Variants in DNAH3 observed in about 807,000 individuals in gnomAD.
DNAH3 encodes dynein axonemal heavy chain 3.
In DNAH3, 332 loss-of-function variants were observed where a neutral mutation model predicts 432.5. The observed-to-expected ratio is 0.77, with a 90% CI of 0.70 to 0.84. The LOEUF is 0.84. Among genes scored for constraint, DNAH3 ranks in the 40% least tolerant of loss-of-function variants. The pLI, the probability that DNAH3 is intolerant of heterozygous loss-of-function variation, is 0.00. For missense variants in DNAH3, 4,861 were observed against 5,114.0 expected, an observed-to-expected ratio of 0.95 and a Z score of 1.51; for synonymous variants, 1,956 against 1,900.2, an observed-to-expected ratio of 1.03 and a Z score of -0.76.
chr16:20,987,577 A>C, intron 46 of DNAH3, 116 bp downstream of exon 46: 1 of 1,527,474 alleles, frequency 6.5e-7, no homozygotes, highest in Non-Finnish European at 8.9e-7. Flanking sequence ...TGCTTAGCAC[A>C]ATGCCTAGCA....
chr16:21,019,678 G>A, exon 41 of DNAH3: 1 of 1,614,058 alleles, frequency 6.2e-7, no homozygotes, highest in South Asian at 1.1e-5. Context: ...GGCCTTGGGT[G>A]GTTATCATCC....
At chr16:21,017,402 G>A (rs2087914295) in intron 41 of DNAH3, among the ~76,000 whole-genome samples, 1 of 152,108 alleles carries the variant, frequency 6.6e-6, no homozygotes, top group Admixed American at 6.5e-5. Context: ...TCTGCTCACT[G>A]AGATGAATTC....
chr16:20,933,531 C>T (rs764140822), intron 61 of DNAH3, 24 bp from the exon 62 acceptor site: 2 of 1,528,806 alleles, frequency 1.3e-6, no homozygotes, highest in Admixed American at 2.1e-5. Context: ...AAGCTATGAG[C>T]TCCATTGCCT....
At position 21,073,460 on chromosome 16, in the gene DNAH3, G is replaced by A. The variant is rs1567743247; in HGVS notation, c.3084+1987C>T. Among the ~76,000 whole-genome samples the A allele has an allele frequency of 2.6e-5, 4 of 152,154 alleles. No homozygotes were observed. The South Asian group carries it at 8.3e-4, about 32-fold the overall frequency. On this transcript the variant is annotated intron_variant, in intron 21 of 61. Transcript: ENST00000261383. ...TGGCTGGGTCACCCTTGCTGGGAGA[G>A]GCTCAGTAATGAGGCCCTGTGCCCT...
chr16:21,055,670 C>T (rs1286946419), intron 27 of DNAH3, among the ~76,000 whole-genome samples: 1 of 151,724 alleles, frequency 6.6e-6, no homozygotes, highest in African/African-American at 2.4e-5. Context: ...ACCTTCCCTA[C>T]TTTCTAGCTA....
intron 1 of DNAH3, among the ~76,000 whole-genome samples, chr16:21,154,741 T>C (rs1172210558): frequency 6.6e-6 from 1 of 152,202 alleles, no homozygotes; most frequent in Non-Finnish European, 1.5e-5. Flanking sequence ...TTGAACTTGG[T>C]TATGAAATCT....
exon 53 of DNAH3, chr16:20,963,693 G>A: frequency 6.2e-7 from 1 of 1,614,010 alleles, no homozygotes. Context: ...TGCCTCCAGT[G>A]AGAAGGAAGT....
intron 9 of DNAH3, 130 bp downstream of exon 10, chr16:21,125,045 G>A (rs1003280639): frequency 4.6e-6 from 3 of 651,046 alleles, no homozygotes; most frequent in Non-Finnish European, 7.6e-6. Context: ...ACTGCCTGAT[G>A]TGGGTGGAAG....
intron 44 of DNAH3, among the ~76,000 whole-genome samples, chr16:20,993,063 A>T (rs11648272): frequency 6.6e-6 from 1 of 151,856 alleles, no homozygotes; most frequent in African/African-American, 2.4e-5. Context: ...GCAGGGTTTC[A>T]CCATGTTGGC....
At chr16:20,958,119 C>T (rs552803544) in intron 54 of DNAH3, among the ~76,000 whole-genome samples, 2 of 149,848 alleles carry the variant, frequency 1.3e-5, no homozygotes, top group East Asian at 3.9e-4. Context: ...GTCGCCCAGG[C>T]TGGAGTGCAG....
rs372954031 is a variant in DNAH3, at chr16:21,100,147, T to C, written c.2367-1378A>G. Among the ~76,000 whole-genome samples the C allele has an allele frequency of 5.3e-5, 8 of 152,246 alleles. No individual in the cohort carries two copies. The East Asian group carries it at 9.7e-4, about 18-fold the overall frequency. The stretch of plus-strand genomic sequence containing the variant: ...AGTGCAGTGGCACAATCTCGGCTCA[T>C]TGTAACCTCTGCCTCCCAGTTTTAA... On this transcript the variant is annotated intron_variant, in intron 16 of 61. Coordinates refer to ENST00000261383, the Ensembl canonical transcript of DNAH3.
chr16:21,151,254 G>A (rs904903285), intron 1 of DNAH3, among the ~76,000 whole-genome samples: 3 of 151,902 alleles, frequency 2.0e-5, no homozygotes, highest in African/African-American at 4.8e-5. Context: ...AAGGGTTAAC[G>A]GGATAACGTG....
At position 21,087,074 on chromosome 16, in the gene DNAH3, G is replaced by C; in HGVS notation, c.2666-14C>G. ...AGAAGAGGGGTCCTGAAATAGAAGAGTGAGGGAAAGGTCAGACCATCATGT... is the reference window on the plus strand; with the variant it reads ...AGAAGAGGGGTCCTGAAATAGAAGACTGAGGGAAAGGTCAGACCATCATGT... On this transcript the variant is annotated splice_polypyrimidine_tract_variant and intron_variant, in intron 18 of 61. Transcript: ENST00000261383. 6.2e-7 allele frequency: 1 copy of C among 1,604,992 alleles called. No individual in the cohort carries two copies. The highest frequency in any genetic ancestry group is 8.5e-7 in the Non-Finnish European group (1 of 1,172,396).
At chr16:21,051,536 G>C in intron 29 of DNAH3, 134 bp downstream of exon 29, 1 of 885,282 alleles carries the variant, frequency 1.1e-6, no homozygotes, top group Non-Finnish European at 1.8e-6. Context: ...CCCATCTTTG[G>C]GACTATGGAG....
exon 34 of DNAH3, chr16:21,037,939 T>C (rs1342673427): frequency 6.2e-7 from 1 of 1,614,110 alleles, no homozygotes; most frequent in Middle Eastern, 1.6e-4. Flanking sequence ...GGACAGTTGT[T>C]CCGAGCACAG....
chr16:21,048,879 A>C (rs1480212182), intron 31 of DNAH3, among the ~76,000 whole-genome samples: 1 of 151,970 alleles, frequency 6.6e-6, no homozygotes, highest in Admixed American at 6.6e-5. Context: ...TTTTTAGTAG[A>C]GACAGGGTTT....
chr16:20,979,197 G>T, intron 50 of DNAH3, 133 bp downstream of exon 50: 1 of 736,280 alleles, frequency 1.4e-6, no homozygotes, highest in Non-Finnish European at 2.3e-6. Context: ...ATGTAGGTAA[G>T]GTAAGCTCTG....
At chr16:21,075,329 A>G (rs1309836426) in intron 21 of DNAH3, 118 bp downstream of exon 21, 2 of 759,426 alleles carry the variant, frequency 2.6e-6, no homozygotes. Context: ...AACAATCAAG[A>G]CATGAGCGAT....
rs188164561 is a variant in DNAH3 at position 21,010,977 on chromosome 16, T to C, written c.6023-7770A>G. Among the ~76,000 whole-genome samples, 312 of 152,136 alleles carry C rather than the reference T, an allele frequency of 2.1e-3. 8 individuals are homozygous for C. In the South Asian group the frequency reaches 0.044, roughly 21 times the overall value. On this transcript the variant is annotated intron_variant, in intron 41 of 61. Coordinates refer to ENST00000261383, the Ensembl canonical transcript of DNAH3. ...GAGGATATACACAAAAGAAGTCAGT[T>C]TGCAGGACACGATGAAAATCATGGT...
Sources: gnomAD v4.1 joint callset for allele counts (sites outside exome capture counted in the v4.1 genomes callset) on GRCh38, gnomAD v4.1.1 for gene constraint, MANE v1.5 for transcripts, NCBI Gene and HGNC (gene_info 2026-07-23, HGNC 2026-07-21) for gene names.